ANO4: variants seen among roughly 807,000 people sequenced by gnomAD.
The protein encoded by ANO4 is anoctamin 4, also known as anoctamin-4.
A neutral mutation model predicts 141.9 loss-of-function variants in ANO4; 69 were observed. The observed-to-expected ratio is 0.49, with a 90% CI of 0.40 to 0.59. The LOEUF (loss-of-function observed/expected upper bound fraction) is 0.59. ANO4 is among the 20% of genes least tolerant of loss of function. The probability of loss-of-function intolerance (pLI) is 0.00; values close to 1 mark genes in which losing one functional copy is unlikely to be tolerated. For missense variants in ANO4, 894 were observed against 1,162.2 expected (o/e 0.77, Z 3.36); for synonymous variants, 350 against 394.3 (o/e 0.89, Z 1.33).
At chr12:100,725,410 G>A (rs1051388459) in intron 1 of ANO4, among the ~76,000 whole-genome samples, 7 of 147,186 alleles carry the variant, frequency 4.8e-5, no homozygotes, top group East Asian at 2.1e-4. Flanking sequence ...GCAGTGGCGC[G>A]ATCTCTGCTC....
At chr12:100,902,675 C>T (rs754876328) in intron 2 of ANO4, among the ~76,000 whole-genome samples, 1 of 152,362 alleles carries the variant, frequency 6.6e-6, no homozygotes, top group Non-Finnish European at 1.5e-5. Flanking sequence ...CACCTTCTCT[C>T]TCTTAGCATG....
intron 1 of ANO4, among the ~76,000 whole-genome samples, chr12:100,826,770 G>C (rs1347588842): frequency 2.0e-5 from 3 of 151,992 alleles, no homozygotes; most frequent in South Asian, 4.1e-4. Flanking sequence ...CTCCAAACCA[G>C]TTCCTCCTGC....
intron 14 of ANO4, among the ~76,000 whole-genome samples, chr12:101,062,729 CT>C (rs938763993): frequency 5.3e-5 from 8 of 152,334 alleles, no homozygotes; most frequent in Admixed American, 5.2e-4. Flanking sequence ...GCGGACACCC[CT>C]CCCCCCACCA....
chr12:100,758,289 G>A (rs979378539), intron 3 of ANO4, among the ~76,000 whole-genome samples: 9 of 152,218 alleles, frequency 5.9e-5, no homozygotes, highest in Non-Finnish European at 1.0e-4. Context: ...GGTGGCCTTG[G>A]TGTGTAATGC....
chr12:101,007,044 T>C (rs1454534185), intron 8 of ANO4, among the ~76,000 whole-genome samples: 1 of 152,152 alleles, frequency 6.6e-6, no homozygotes, highest in African/African-American at 2.4e-5. Context: ...TGAGAGTCAG[T>C]AATCTTATAA....
intron 1 of ANO4, among the ~76,000 whole-genome samples, chr12:100,895,795 C>G (rs1337353956): frequency 6.6e-6 from 1 of 152,022 alleles, no homozygotes; most frequent in Non-Finnish European, 1.5e-5. Context: ...CTCCTGACCT[C>G]AGATGATCCA....
chr12:101,112,847 C>G (rs1285350826), intron 24 of ANO4, among the ~76,000 whole-genome samples: 1 of 152,212 alleles, frequency 6.6e-6, no homozygotes, highest in African/African-American at 2.4e-5. Context: ...AGCATGTGGC[C>G]ATGACACACT....
At chr12:100,723,546 G>A (rs928898371) in intron 1 of ANO4, among the ~76,000 whole-genome samples, 1 of 152,170 alleles carries the variant, frequency 6.6e-6, no homozygotes, top group Non-Finnish European at 1.5e-5. Context: ...CAGCTAGGAG[G>A]AAAGAATAGG....
intron 1 of ANO4, among the ~76,000 whole-genome samples, chr12:100,844,105 A>G (rs4764758): frequency 0.83 from 125,891 of 151,964 alleles, 52,187 homozygotes; most frequent in Admixed American, 0.87. Flanking sequence ...GCCTGCCTTC[A>G]TGGAGTGTAC....
chr12:100,769,502 G>T (rs2033212880), intron 3 of ANO4, among the ~76,000 whole-genome samples: 1 of 152,208 alleles, frequency 6.6e-6, no homozygotes, highest in African/African-American at 2.4e-5. Context: ...TTGTCTCATA[G>T]ACTCTGATCC....
intron 25 of ANO4, among the ~76,000 whole-genome samples, chr12:101,119,551 A>T (rs964128456): frequency 2.6e-5 from 4 of 152,336 alleles, no homozygotes; most frequent in African/African-American, 9.6e-5. Flanking sequence ...AGAGTCTATT[A>T]TACAGCAATA....
chr12:101,058,821 G>A (rs190164494), intron 14 of ANO4, among the ~76,000 whole-genome samples: 1 of 152,252 alleles, frequency 6.6e-6, no homozygotes, highest in East Asian at 1.9e-4. Context: ...GAGACAATTC[G>A]ACTTCCTCTT....
chr12:101,043,007 T>C (rs1251600416), intron 12 of ANO4, among the ~76,000 whole-genome samples: 3 of 152,318 alleles, frequency 2.0e-5, no homozygotes, highest in East Asian at 1.9e-4. Context: ...TTAAATGTGA[T>C]TGCAAAAATA....
At chr12:100,937,576 GT>G (rs940226867) in intron 3 of ANO4, among the ~76,000 whole-genome samples, 4 of 151,766 alleles carry the variant, frequency 2.6e-5, no homozygotes, top group Non-Finnish European at 4.4e-5. Context: ...AAAGACCATG[GT>G]TTTTTTTCTT....
At chr12:100,758,097 C>G (rs1484262119) in intron 3 of ANO4, among the ~76,000 whole-genome samples, 1 of 152,202 alleles carries the variant, frequency 6.6e-6, no homozygotes, top group African/African-American at 2.4e-5. Context: ...CAATTGAGGG[C>G]CATGTGACAG....
In ANO4 at chr12:101,043,652, G is replaced by A. The variant is rs1451522599; in HGVS notation, c.1251+17G>A. The A allele has an allele frequency of 6.4e-7, 1 of 1,567,596 alleles. No homozygotes were observed. Among genetic ancestry groups the A allele is most frequent in the Admixed American group, 1.7e-5 (1 of 59,860 alleles). ...TATGCCAAGGTAATTTCAAACTGTAGCATTTTAGATGAATTGAATTTAACA... is the reference window on the plus strand; with the variant it reads ...TATGCCAAGGTAATTTCAAACTGTAACATTTTAGATGAATTGAATTTAACA... On this transcript the variant is annotated intron_variant, in intron 13 of 27. Coordinates refer to ENST00000392977, the MANE Select transcript of ANO4 (RefSeq NM_001286615.2).
At chr12:101,087,515 C>T (rs930853808) in intron 17 of ANO4, among the ~76,000 whole-genome samples, 2 of 151,988 alleles carry the variant, frequency 1.3e-5, no homozygotes, top group African/African-American at 4.8e-5. Context: ...GAGGGAGACC[C>T]TGTCTCAAAA....
intron 1 of ANO4, among the ~76,000 whole-genome samples, chr12:100,721,480 A>G (rs2136726485): frequency 6.6e-6 from 1 of 152,286 alleles, no homozygotes; most frequent in South Asian, 2.1e-4. Flanking sequence ...CAGCAACATG[A>G]ATGAAGATGA....
chr12:100,926,209 G>T (rs764594783), intron 3 of ANO4, among the ~76,000 whole-genome samples: 33 of 152,044 alleles, frequency 2.2e-4, no homozygotes, highest in Non-Finnish European at 4.3e-4. Context: ...ACATCTTGAT[G>T]CAAGAATTTT....
Sources: gnomAD v4.1 joint callset for allele counts (sites outside exome capture counted in the v4.1 genomes callset) on GRCh38, gnomAD v4.1.1 for gene constraint, MANE v1.5 for transcripts, NCBI Gene and HGNC (gene_info 2026-07-23, HGNC 2026-07-21) for gene names.